Variants in CSMD1 observed in about 807,000 individuals in gnomAD.
The protein encoded by CSMD1 is CUB and Sushi multiple domains 1, also known as CUB and sushi domain-containing protein 1.
A neutral mutation model predicts 417.5 loss-of-function variants in CSMD1; 213 were observed. The observed-to-expected ratio is 0.51, with a 90% CI of 0.46 to 0.57. CSMD1 has a LOEUF of 0.57. Among genes scored for constraint, CSMD1 ranks in the 20% least tolerant of loss-of-function variants. CSMD1 has a pLI of 0.00. For missense variants in CSMD1, 6,923 were observed against 4,529.7 expected, an observed-to-expected ratio of 1.53 and a Z score of -15.17; for synonymous variants, 2,862 against 1,736.8, an observed-to-expected ratio of 1.65 and a Z score of -16.11.
chr8:3,636,164 T>G (rs1455371689), intron 7 of CSMD1, among the ~76,000 whole-genome samples: 1 of 152,188 alleles, frequency 6.6e-6, no homozygotes, highest in Non-Finnish European at 1.5e-5. Context: ...GTCAGAATAA[T>G]CAACATGACT....
At chr8:3,923,460 A>T (rs999352752) in intron 5 of CSMD1, among the ~76,000 whole-genome samples, 4 of 152,214 alleles carry the variant, frequency 2.6e-5, no homozygotes, top group Non-Finnish European at 5.9e-5. Context: ...TTATATCTGC[A>T]TTGCCATTTA....
At chr8:4,915,631 C>T (rs1045356277) in intron 1 of CSMD1, among the ~76,000 whole-genome samples, 1 of 152,200 alleles carries the variant, frequency 6.6e-6, no homozygotes, top group African/African-American at 2.4e-5. Flanking sequence ...GCTAGCAGTT[C>T]CCAACCTTCA....
At chr8:4,168,018 A>T (rs766185033) in intron 3 of CSMD1, among the ~76,000 whole-genome samples, 1 of 151,986 alleles carries the variant, frequency 6.6e-6, no homozygotes, top group Non-Finnish European at 1.5e-5. Context: ...AATCCCAGCT[A>T]ATCAGGAAGC....
intron 1 of CSMD1, among the ~76,000 whole-genome samples, chr8:4,795,189 G>T (rs928598613): frequency 6.8e-6 from 1 of 146,062 alleles, no homozygotes; most frequent in African/African-American, 2.5e-5. Context: ...GTGAAAAGAC[G>T]CTTAACCAGC....
At chr8:4,015,626 A>C (rs1796484208) in intron 4 of CSMD1, among the ~76,000 whole-genome samples, 1 of 150,114 alleles carries the variant, frequency 6.7e-6, no homozygotes, top group Non-Finnish European at 1.5e-5. Flanking sequence ...AAGAAATACA[A>C]CAGTCTCAAA....
At chr8:4,464,610 G>A (rs890483822) in intron 2 of CSMD1, among the ~76,000 whole-genome samples, 1 of 152,094 alleles carries the variant, frequency 6.6e-6, no homozygotes, top group African/African-American at 2.4e-5. Flanking sequence ...TTACTTTCAC[G>A]CTATTGTAAA....
At chr8:4,317,299 T>C (rs1176992680) in intron 3 of CSMD1, among the ~76,000 whole-genome samples, 1 of 152,214 alleles carries the variant, frequency 6.6e-6, no homozygotes, top group Non-Finnish European at 1.5e-5. Flanking sequence ...TGGTGTGATT[T>C]GTATAAATTT....
intron 3 of CSMD1, among the ~76,000 whole-genome samples, chr8:4,392,772 A>G (rs1011389385): frequency 2.0e-5 from 3 of 151,672 alleles, no homozygotes; most frequent in African/African-American, 7.3e-5. Context: ...GATTGAGAAC[A>G]TCCTGGCCAA....
chr8:4,082,374 G>C (rs987767079), intron 3 of CSMD1, among the ~76,000 whole-genome samples: 1 of 152,088 alleles, frequency 6.6e-6, no homozygotes, highest in African/African-American at 2.4e-5. Context: ...TCACTGGTGA[G>C]TTCTGCCGAG....
intron 12 of CSMD1, among the ~76,000 whole-genome samples, chr8:3,415,858 A>C (rs1813110404): frequency 6.6e-6 from 1 of 152,226 alleles, no homozygotes; most frequent in Admixed American, 6.5e-5. Flanking sequence ...TGTTGTTTAG[A>C]AACATATCCC....
At chr8:3,365,543 AT>A (rs1282195589) in intron 20 of CSMD1, among the ~76,000 whole-genome samples, 11 of 152,214 alleles carry the variant, frequency 7.2e-5, no homozygotes, top group Non-Finnish European at 1.6e-4. Context: ...TACATTGACA[AT>A]TTTTTGGAGA....
At chr8:4,724,558 G>T (rs976527003) in intron 1 of CSMD1, among the ~76,000 whole-genome samples, 1 of 147,502 alleles carries the variant, frequency 6.8e-6, no homozygotes, top group Non-Finnish European at 1.5e-5. Context: ...GTGTGTGTGT[G>T]TGTGTTTATA....
intron 23 of CSMD1, among the ~76,000 whole-genome samples, chr8:3,312,271 G>T (rs1272040410): frequency 6.6e-6 from 1 of 152,274 alleles, no homozygotes; most frequent in South Asian, 2.1e-4. Flanking sequence ...ATTAAGCCAA[G>T]TTATTTATGG....
At chr8:3,015,640 T>C (rs1808768166) in intron 52 of CSMD1, among the ~76,000 whole-genome samples, 1 of 151,998 alleles carries the variant, frequency 6.6e-6, no homozygotes, top group African/African-American at 2.4e-5. Flanking sequence ...ACTGCATCTT[T>C]AGTAACAGTC....
chr8:2,973,397 G>C, intron 56 of CSMD1, 98 bp from the exon 57 acceptor site: 2 of 1,227,998 alleles, frequency 1.6e-6, no homozygotes, highest in Middle Eastern at 2.0e-4. Context: ...GTTGAAATTT[G>C]TGTTTCACAT....
At chr8:3,483,773 C>G (rs1190671902) in intron 11 of CSMD1, among the ~76,000 whole-genome samples, 2 of 152,044 alleles carry the variant, frequency 1.3e-5, no homozygotes, top group Non-Finnish European at 2.9e-5. Context: ...CAACAATGTA[C>G]AAATCAATTA....
chr8:3,020,601 T>A (rs549858688), intron 51 of CSMD1, among the ~76,000 whole-genome samples: 58 of 152,308 alleles, frequency 3.8e-4, no homozygotes, highest in African/African-American at 1.3e-3. Context: ...CTGGAACTCC[T>A]GGGCTCAGGC....
chr8:3,932,423 T>C (rs187136455), intron 5 of CSMD1, among the ~76,000 whole-genome samples: 5 of 150,412 alleles, frequency 3.3e-5, no homozygotes, highest in Non-Finnish European at 7.4e-5. Flanking sequence ...ACATTTCTCA[T>C]GGTATTTCAC....
At chr8:4,426,428 C>A (rs1300635383) in intron 2 of CSMD1, among the ~76,000 whole-genome samples, 1 of 148,248 alleles carries the variant, frequency 6.7e-6, no homozygotes. Flanking sequence ...ATATCATAAA[C>A]ATATACTATA....
Sources: gnomAD v4.1 joint callset for allele counts (sites outside exome capture counted in the v4.1 genomes callset) on GRCh38, gnomAD v4.1.1 for gene constraint, MANE v1.5 for transcripts, NCBI Gene and HGNC (gene_info 2026-07-23, HGNC 2026-07-21) for gene names.